RYR3: variants seen among roughly 807,000 people sequenced by gnomAD.
RYR3 encodes brain ryanodine receptor-calcium release channel.
RYR3 carries 207 observed loss-of-function variants against 584.3 expected under a neutral mutation model. The ratio of observed to expected loss-of-function variants is 0.35; its 90% CI spans 0.32 to 0.40. RYR3 has a LOEUF of 0.40. Ranked by LOEUF, RYR3 falls within the 10% of genes least tolerant of loss-of-function variation. The pLI, the probability that RYR3 is intolerant of heterozygous loss-of-function variation, is 1.00. For synonymous variants in RYR3, 2,416 were observed against 2,248.5 expected (o/e 1.07, Z -2.11); for missense variants, 5,616 against 6,089.2 (o/e 0.92, Z 2.59).
chr15:33,508,974 A>T (rs983455374), intron 3 of RYR3, among the ~76,000 whole-genome samples: 1 of 152,202 alleles, frequency 6.6e-6, no homozygotes, highest in African/African-American at 2.4e-5. Flanking sequence ...GTAAACGGCC[A>T]GTGAAGCGTA....
At chr15:33,614,204 T>C (rs1443299831) in intron 19 of RYR3, among the ~76,000 whole-genome samples, 4 of 152,232 alleles carry the variant, frequency 2.6e-5, no homozygotes, top group Non-Finnish European at 5.9e-5. Flanking sequence ...GTCTTTCATT[T>C]ATTCTACGGC....
rs367645544 is a variant in RYR3 at position 33,750,007 on chromosome 15, A to G, written c.8228A>G (p.Tyr2743Cys). 445 of 1,612,576 alleles carry G rather than the reference A, an allele frequency of 2.8e-4. 1 individual carries two copies. The highest frequency in any genetic ancestry group is 1.0e-3 in the Middle Eastern group (6 of 6,030). The change falls in exon 56 of 104, where the codon TAT (tyrosine) becomes TGT (cysteine). Residue 2743 changes from tyrosine (Y) to cysteine (C), a missense_variant. This residue lies in a region of RYR3 where 1,280 missense variants were observed against 1,426.2 expected (regional missense o/e 0.90). Transcript: ENST00000634891. ...ATGGTGGAGGTCGTGGCTGAGAACT[A>G]TCACAATATCTGGGCCAAGAAGAAG... is the stretch of plus-strand genomic sequence containing the variant. ...QGMVEVVAEN[Y>C]HNIWAKKKKL...
At chr15:33,589,771 T>C (rs775162887) in intron 16 of RYR3, among the ~76,000 whole-genome samples, 29 of 152,374 alleles carry the variant, frequency 1.9e-4, no homozygotes, top group South Asian at 6.2e-4. Context: ...CAGTTGGCTA[T>C]AGCTATGTGG....
intron 17 of RYR3, among the ~76,000 whole-genome samples, chr15:33,602,753 T>C (rs2059729766): frequency 7.1e-6 from 1 of 140,826 alleles, no homozygotes; most frequent in East Asian, 2.1e-4. Context: ...TTTTTTTTTT[T>C]TTTTTTTTTG....
chr15:33,864,992 G>A, intron 103 of RYR3, 139 bp from the exon 104 acceptor site: 1 of 624,364 alleles, frequency 1.6e-6, no homozygotes, highest in Non-Finnish European at 2.8e-6. Context: ...TGGGAATAGA[G>A]CAAGAATGAA....
chr15:33,594,997 T>G (rs1400422979), intron 16 of RYR3, among the ~76,000 whole-genome samples: 2 of 152,248 alleles, frequency 1.3e-5, no homozygotes, highest in Non-Finnish European at 1.5e-5. Context: ...CAATGCTTCC[T>G]GTATAATTTT....
chr15:33,382,318 G>A (rs1040624461), intron 1 of RYR3, among the ~76,000 whole-genome samples: 1 of 103,270 alleles, frequency 9.7e-6, no homozygotes, highest in East Asian at 2.8e-4. Flanking sequence ...TTTAAAAGTG[G>A]CTTTTTTTTT....
chr15:33,709,622 C>T (rs2066952253), intron 43 of RYR3, among the ~76,000 whole-genome samples: 1 of 152,204 alleles, frequency 6.6e-6, no homozygotes, highest in South Asian at 2.1e-4. Context: ...CTTTCTTGTG[C>T]ACACTCTCTT....
intron 63 of RYR3, 77 bp downstream of exon 63, chr15:33,772,235 A>C (rs1195572282): frequency 1.2e-6 from 1 of 853,486 alleles, no homozygotes; most frequent in African/African-American, 1.7e-5. Flanking sequence ...ATTCACTTAC[A>C]TTGACCTTGA....
chr15:33,573,823 G>A (rs556332404), intron 12 of RYR3, among the ~76,000 whole-genome samples: 13 of 152,292 alleles, frequency 8.5e-5, no homozygotes, highest in African/African-American at 2.9e-4. Context: ...TTCTTCTAGG[G>A]TAGAATATGA....
rs555529273 is a variant in RYR3 at position 33,339,250 on chromosome 15, G to C, written c.51+28154G>C. Among the ~76,000 whole-genome samples the C allele has an allele frequency of 1.2e-4, 19 of 152,358 alleles. No individual in the cohort carries two copies. The East Asian group carries it at 3.7e-3, about 29-fold the overall frequency. ...TGCAGCCTGCTGAGGTGGCAGGGCT[G>C]TGGCCCCAGGTCAGACTGGAAGGGC... On this transcript the variant is annotated intron_variant, in intron 1 of 103. Transcript: ENST00000634891.
Position 33,788,442 on chromosome 15 carries a change from T to C in RYR3, c.9814T>C (p.Tyr3272His), listed in dbSNP as rs1212255138. The C allele has an allele frequency of 6.2e-7, 1 of 1,613,806 alleles. No homozygotes were observed. Among genetic ancestry groups the C allele is most frequent in the Non-Finnish European group, 8.5e-7 (1 of 1,179,724 alleles). The part of the protein sequence containing the change: ...LYAFYPMLIR[Y>H]VDNNRSNWLK... ...TGCCTTCTACCCCATGCTGATCCGC[T>C]ACGTGGACAACAACAGGTACGGAGG... The change falls in exon 67 of 104, where the codon TAC becomes CAC. Residue 3272 changes from tyrosine to histidine, a missense_variant. By Grantham distance (83) the Tyr-to-His change is moderately conservative. Coordinates refer to ENST00000634891, the MANE Select transcript of RYR3 (RefSeq NM_001036.6).
intron 12 of RYR3, among the ~76,000 whole-genome samples, chr15:33,578,655 C>T (rs766432696): frequency 1.3e-5 from 2 of 151,900 alleles, no homozygotes; most frequent in Non-Finnish European, 1.5e-5. Flanking sequence ...ATAGCTAATG[C>T]ATGCCGGGCC....
At chr15:33,314,932 A>C (rs544299922) in intron 1 of RYR3, among the ~76,000 whole-genome samples, 32 of 150,278 alleles carry the variant, frequency 2.1e-4, no homozygotes, top group East Asian at 2.0e-3. Context: ...CAAACAACAA[A>C]AAAAAAAACC....
At chr15:33,826,157 G>C (rs1216702370) in intron 82 of RYR3, 95 bp from the exon 83 acceptor site, 1 of 1,176,902 alleles carries the variant, frequency 8.5e-7, no homozygotes, top group African/African-American at 1.5e-5. Flanking sequence ...ATCTAGGATG[G>C]ATGTGTTCAC....
chr15:33,552,419 G>C (rs892772), intron 10 of RYR3, among the ~76,000 whole-genome samples: 132,443 of 152,158 alleles, frequency 0.87, 58,321 homozygotes, highest in Middle Eastern at 0.98. Context: ...CAGCGCATGG[G>C]TGGAAAGTCG....
At chr15:33,794,321 ATTTT>A (rs1567185555) in intron 67 of RYR3, among the ~76,000 whole-genome samples, 791 of 135,456 alleles carry the variant, frequency 5.8e-3, no homozygotes, top group Non-Finnish European at 9.7e-3. Context: ...ATATATATAT[ATTTT>A]TATATATGTT....
chr15:33,670,283 ATAGTATCTTTAGAAAGCCTG>A (rs2063765897), intron 37 of RYR3, 116 bp from the exon 38 acceptor site: 19 of 858,106 alleles, frequency 2.2e-5, no homozygotes, highest in Admixed American at 2.3e-5. Context: ...ATTCACGAGA[ATAGTATCTTTAGAAAGCCTG>A]TAGTATCTTT....
At chr15:33,594,163 G>A (rs903543548) in intron 16 of RYR3, among the ~76,000 whole-genome samples, 2 of 152,096 alleles carry the variant, frequency 1.3e-5, no homozygotes, top group African/African-American at 4.8e-5. Context: ...AAAATATGAG[G>A]CCATTTGTTC....
Sources: allele counts gnomAD v4.1 joint callset (sites outside exome capture counted in the v4.1 genomes callset), GRCh38; gene constraint gnomAD v4.1.1; regional missense constraint gnomAD v4.1.1; transcripts MANE v1.5; gene names NCBI Gene and HGNC (gene_info 2026-07-23, HGNC 2026-07-21).